CACNA1S: variants seen among roughly 807,000 people sequenced by gnomAD.
CACNA1S encodes the protein calcium voltage-gated channel subunit alpha1 S, also known as voltage-dependent L-type calcium channel subunit alpha-1S.
CACNA1S carries 126 observed loss-of-function variants against 207.4 expected under a neutral mutation model. The observed-to-expected ratio is 0.61, with a 90% CI of 0.53 to 0.70. The LOEUF (loss-of-function observed/expected upper bound fraction) is 0.70, where lower values mean the gene tolerates loss of function less well. CACNA1S is among the 30% of genes least tolerant of loss of function. The pLI, the probability that CACNA1S is intolerant of heterozygous loss-of-function variation, is 0.00. For missense variants in CACNA1S, 2,349 were observed against 2,422.8 expected (o/e 0.97, Z 0.64); for synonymous variants, 960 against 932.7 (o/e 1.03, Z -0.53).
chr1:201,098,772 G>A (rs1350501025), intron 2 of CACNA1S, among the ~76,000 whole-genome samples: 2 of 152,170 alleles, frequency 1.3e-5, no homozygotes, highest in Non-Finnish European at 2.9e-5. Context: ...TGAGCTCAGG[G>A]GAGGACAGTG....
At chr1:201,103,255 A>G (rs1418020534) in intron 2 of CACNA1S, among the ~76,000 whole-genome samples, 1 of 151,882 alleles carries the variant, frequency 6.6e-6, no homozygotes, top group Non-Finnish European at 1.5e-5. Flanking sequence ...AAAAAAAAAA[A>G]AAAAAGAAAG....
intron 39 of CACNA1S, 140 bp downstream of exon 39, chr1:201,044,187 TG>T: frequency 1.1e-6 from 1 of 909,582 alleles, no homozygotes; most frequent in Non-Finnish European, 1.7e-6. Flanking sequence ...GAGAGGTGGG[TG>T]GTGAAGTGGA....
At chr1:201,093,851 G>A (rs373182429) in intron 3 of CACNA1S, 31 bp downstream of exon 3, 1 of 1,613,026 alleles carries the variant, frequency 6.2e-7, no homozygotes, top group African/African-American at 1.3e-5. Context: ...GCGAGGGTCT[G>A]ACCTTCAGTC....
rs1014135803 is a variant in CACNA1S at position 201,102,714 on chromosome 1, C to T, written c.258+7450G>A. Among the ~76,000 whole-genome samples, 3 of 152,226 alleles carry T rather than the reference C, an allele frequency of 2.0e-5. No homozygotes were observed. In the East Asian group the frequency reaches 5.8e-4, roughly 29 times the overall value. ...AGAGGGATTAATTTCTCCAGGATCA[C>T]ATAGCTACCAAGAGGCAGAGCCATG... On this transcript the variant is annotated intron_variant, in intron 2 of 43. Coordinates refer to ENST00000362061, the MANE Select transcript of CACNA1S (RefSeq NM_000069.3).
Position 201,089,468 on chromosome 1 carries a change from A to T in CACNA1S, c.695-5T>A, listed in dbSNP as rs1487979476. On this transcript the variant is annotated splice_region_variant and splice_polypyrimidine_tract_variant and intron_variant, in intron 5 of 43. Coordinates refer to ENST00000362061, the MANE Select transcript of CACNA1S (RefSeq NM_000069.3). ...TCTCCACCGTGGCCACGATATCTGG[A>T]GGCAGAAGGCAAAGGGAACATCAGA... 1.6e-5 allele frequency: 26 copies of T among 1,613,396 alleles called. No homozygotes were observed. Among genetic ancestry groups the T allele is most frequent in the Non-Finnish European group, 2.2e-5 (26 of 1,179,928 alleles).
intron 2 of CACNA1S, among the ~76,000 whole-genome samples, chr1:201,105,808 G>C (rs61818025): frequency 6.6e-6 from 1 of 152,128 alleles, no homozygotes; most frequent in African/African-American, 2.4e-5. Context: ...CTGGCAGAAG[G>C]GATATGGAGG....
intron 19 of CACNA1S, among the ~76,000 whole-genome samples, chr1:201,068,933 G>C (rs984777016): frequency 4.6e-5 from 7 of 152,180 alleles, no homozygotes; most frequent in South Asian, 2.1e-4. Flanking sequence ...TCTGTGGATG[G>C]GGGAGCCACA....
Position 201,041,601 on chromosome 1 carries a change from G to T in CACNA1S, c.5049-12C>A. 1 of 1,598,480 alleles carries T rather than the reference G, an allele frequency of 6.3e-7. No individual in the cohort carries two copies. Among genetic ancestry groups the T allele is most frequent in the African/African-American group, 1.3e-5 (1 of 74,722 alleles). On this transcript the variant is annotated splice_polypyrimidine_tract_variant and intron_variant, in intron 40 of 43. Coordinates refer to ENST00000362061, the MANE Select transcript of CACNA1S (RefSeq NM_000069.3). ...TTTCATAGTGGACACTGAAATGGAA[G>T]CAAGGCTGGGTGAACCAGAGAAGGC...
rs1661088027 is a variant in CACNA1S at position 201,062,481 on chromosome 1, T to C, written c.2887A>G (p.Met963Val). Reference protein sequence around the residue: ...KFFRCTDLSKMTEEECRGYYY... With the variant: ...KFFRCTDLSKVTEEECRGYYY... ...ATGTACCTGCACTCCTCCTCTGTCA[T>C]CTTGGACAAGTCGGTGCACCTGAAG... The change falls in exon 23 of 44, where the codon ATG becomes GTG. Residue 963 changes from methionine to valine, a missense_variant. Transcript: ENST00000362061. 1.2e-6 allele frequency: 2 copies of C among 1,613,200 alleles called. No homozygotes were observed. The highest frequency in any genetic ancestry group is 1.3e-5 in the African/African-American group (1 of 74,848).
Position 201,053,372 on chromosome 1 carries a change from G to A in CACNA1S, c.3795+87C>T. 6.2e-7 allele frequency: 1 copy of A among 1,611,904 alleles called. No individual in the cohort carries two copies. Among genetic ancestry groups the A allele is most frequent in the Non-Finnish European group, 8.5e-7 (1 of 1,178,276 alleles). ...GCTCCCCAGGGCTCTGCCTTGCCCA[G>A]GGCTCCCCTGGGGCCCACCCTGGGC... On this transcript the variant is annotated intron_variant, in intron 30 of 43. Coordinates refer to ENST00000362061, the MANE Select transcript of CACNA1S (RefSeq NM_000069.3). The surrounding 1 kb of genome is among the most constrained non-coding windows in gnomAD (Gnocchi z 5.1).
chr1:201,092,685 C>T (rs368457680), intron 3 of CACNA1S, among the ~76,000 whole-genome samples: 1 of 152,322 alleles, frequency 6.6e-6, no homozygotes, highest in East Asian at 1.9e-4. Flanking sequence ...TATGAAACAA[C>T]AATGCGCTGT....
At position 201,074,628 on chromosome 1, in the gene CACNA1S, G is replaced by A. The variant is rs1476837977; in HGVS notation, c.1949-8C>T. 6.3e-7 allele frequency: 1 copy of A among 1,590,190 alleles called. No homozygotes were observed. The highest frequency in any genetic ancestry group is 1.7e-5 in the Admixed American group (1 of 59,774). The stretch of plus-strand genomic sequence containing the variant: ...AGACATTGAGCAGGATGTCTGAGCG[G>A]GTTTAGCTAAGGAGCCTTTGGTTGT... On this transcript the variant is annotated splice_region_variant and splice_polypyrimidine_tract_variant and intron_variant, in intron 13 of 43. Transcript: ENST00000362061.
chr1:201,048,971 T>C, intron 35 of CACNA1S, 32 bp downstream of exon 35: 1 of 1,558,234 alleles, frequency 6.4e-7, no homozygotes, highest in Non-Finnish European at 8.8e-7. Context: ...TTCCCCTCCC[T>C]GGGGCCACCC....
chr1:201,056,138 C>T (rs1282937705), intron 28 of CACNA1S, among the ~76,000 whole-genome samples: 1 of 152,152 alleles, frequency 6.6e-6, no homozygotes, highest in Non-Finnish European at 1.5e-5. Context: ...CTGCCCCTCG[C>T]TAGCTCAGCG....
intron 2 of CACNA1S, among the ~76,000 whole-genome samples, chr1:201,095,121 G>GGTGTGTGT (rs55654000): frequency 0.32 from 47,107 of 148,736 alleles, 7,910 homozygotes; most frequent in Middle Eastern, 0.38. Context: ...AGCTCCAGGA[G>GGTGTGTGT]GTGTGTGTGT....
intron 2 of CACNA1S, among the ~76,000 whole-genome samples, chr1:201,099,391 C>A (rs2102175488): frequency 6.6e-6 from 1 of 152,310 alleles, no homozygotes; most frequent in South Asian, 2.1e-4. Flanking sequence ...CTGGCAGAGG[C>A]AGCAAAGTGG....
At chr1:201,097,283 A>C (rs1161172237) in intron 2 of CACNA1S, among the ~76,000 whole-genome samples, 1 of 151,970 alleles carries the variant, frequency 6.6e-6, no homozygotes, top group African/African-American at 2.4e-5. Flanking sequence ...ATGGCTCCAC[A>C]ACACCTACCA....
chr1:201,042,308 G>T (rs1001145865), intron 40 of CACNA1S, among the ~76,000 whole-genome samples: 2 of 151,942 alleles, frequency 1.3e-5, no homozygotes, highest in African/African-American at 4.8e-5. Flanking sequence ...CTAATTTTTT[G>T]TGTGTTTTTA....
Position 201,058,459 on chromosome 1 carries a change from G to T in CACNA1S, c.3558C>A (p.Asp1186Glu). 6.2e-7 allele frequency: 1 copy of T among 1,614,178 alleles called. No individual in the cohort carries two copies. The highest frequency in any genetic ancestry group is 1.1e-5 in the South Asian group (1 of 91,084). ...GYFGDPWNVF[D>E]FLIVIGSIID... ...TGATGCTGCCAATGACAATCAGGAA[G>T]TCAAACACATTCCAGGGGTCTCCAA... is the stretch of plus-strand genomic sequence containing the variant. The change falls in exon 28 of 44, where the codon GAC (aspartate) becomes GAA (glutamate). Residue 1186 changes from aspartate to glutamate, a missense_variant. Coordinates refer to ENST00000362061, the MANE Select transcript of CACNA1S (RefSeq NM_000069.3).
Sources: gnomAD v4.1 joint callset for allele counts (sites outside exome capture counted in the v4.1 genomes callset) on GRCh38, gnomAD v4.1.1 for gene constraint, Gnocchi (gnomAD v3.1) non-coding constraint, MANE v1.5 for transcripts, NCBI Gene and HGNC (gene_info 2026-07-23, HGNC 2026-07-21) for gene names.